Variants in RBM6 observed in about 807,000 individuals in gnomAD.
RBM6 encodes RNA binding motif protein 6.
A neutral mutation model predicts 140.4 loss-of-function variants in RBM6; 23 were observed. The ratio of observed to expected loss-of-function variants is 0.16; its 90% CI spans 0.12 to 0.23. The LOEUF is 0.23. Among genes scored for constraint, RBM6 ranks in the 10% least tolerant of loss-of-function variants. RBM6 has a pLI of 1.00. For missense variants in RBM6, 1,139 were observed against 1,386.7 expected, an observed-to-expected ratio of 0.82 and a Z score of 2.84; for synonymous variants, 439 against 475.6, an observed-to-expected ratio of 0.92 and a Z score of 1.00.
intron 5 of RBM6, 30 bp downstream of exon 5, chr3:49,975,422 G>A (rs745834655): frequency 2.0e-6 from 3 of 1,528,368 alleles, no homozygotes; most frequent in Non-Finnish European, 2.7e-6. Flanking sequence ...TATGGCCTTG[G>A]GTTAGGAAGG....
chr3:50,054,365 T>G lies in RBM6; in HGVS notation c.1663T>G (p.Ser555Ala). Residue 555 changes from serine (S) to alanine (A), a missense_variant, in exon 8 of 21, where the codon TCC (serine) becomes GCC (alanine). Transcript: ENST00000266022. Reference protein sequence around the residue: ...CKANIGGHRSSCSFCKNPREV... With the variant: ...CKANIGGHRSACSFCKNPREV... ...GGCAAACATTGGTGGGCACCGATCTTCCTGTTCATTCTGCAAGAACCCAAG... is the reference window on the plus strand; with the variant it reads ...GGCAAACATTGGTGGGCACCGATCTGCCTGTTCATTCTGCAAGAACCCAAG... The G allele has an allele frequency of 1.9e-6, 3 of 1,613,394 alleles. No individual in the cohort carries two copies. Among genetic ancestry groups the G allele is most frequent in the Non-Finnish European group, 2.5e-6 (3 of 1,179,286 alleles).
At chr3:50,039,238 T>A (rs929463282) in intron 6 of RBM6, among the ~76,000 whole-genome samples, 2 of 152,014 alleles carry the variant, frequency 1.3e-5, no homozygotes, top group African/African-American at 4.8e-5. Flanking sequence ...TAAATTATTA[T>A]TATTTATTTA....
At chr3:49,966,235 A>G (rs966980399) in intron 2 of RBM6, among the ~76,000 whole-genome samples, 1 of 152,254 alleles carries the variant, frequency 6.6e-6, no homozygotes, top group Non-Finnish European at 1.5e-5. Flanking sequence ...GCATAGTCTG[A>G]GCTCAGAAGG....
At chr3:50,053,222 C>T (rs1361715121) in intron 7 of RBM6, among the ~76,000 whole-genome samples, 1 of 152,000 alleles carries the variant, frequency 6.6e-6, no homozygotes, top group Non-Finnish European at 1.5e-5. Context: ...AGGCCAAATA[C>T]ATGGTATGTA....
intron 6 of RBM6, among the ~76,000 whole-genome samples, chr3:50,024,870 A>C (rs557488769): frequency 6.6e-6 from 1 of 152,000 alleles, no homozygotes; most frequent in Non-Finnish European, 1.5e-5. Flanking sequence ...GGACACCTGT[A>C]ATCCCAGCTA....
intron 5 of RBM6, 142 bp downstream of exon 5, chr3:49,975,534 C>A: frequency 1.5e-6 from 1 of 689,230 alleles, no homozygotes; most frequent in East Asian, 2.6e-5. Flanking sequence ...AAATAACAAC[C>A]AGCTTTAGTT....
intron 1 of RBM6, among the ~76,000 whole-genome samples, chr3:49,960,548 C>G (rs1033540982): frequency 6.6e-6 from 1 of 152,098 alleles, no homozygotes; most frequent in African/African-American, 2.4e-5. Context: ...CCTTTATCTA[C>G]TTTTTCTTTT....
At chr3:50,046,583 GAAA>G (rs75244837) in intron 6 of RBM6, among the ~76,000 whole-genome samples, 6 of 124,212 alleles carry the variant, frequency 4.8e-5, no homozygotes, top group African/African-American at 1.5e-4. Flanking sequence ...CTGTCTCAGG[GAAA>G]AAAAAAAAAA....
At chr3:50,058,652 C>T (rs908239173) in intron 10 of RBM6, 90 bp downstream of exon 10, 22 of 1,363,934 alleles carry the variant, frequency 1.6e-5, no homozygotes, top group African/African-American at 2.9e-5. Context: ...TGGTGGCTTA[C>T]GCCTGTAATC....
intron 6 of RBM6, among the ~76,000 whole-genome samples, chr3:50,014,965 C>T (rs561466522): frequency 7.3e-6 from 1 of 137,564 alleles, no homozygotes; most frequent in Non-Finnish European, 1.5e-5. Flanking sequence ...ACAAGAATTG[C>T]TTGAACCCAG....
At chr3:49,957,964 T>C (rs2084078508) in intron 1 of RBM6, among the ~76,000 whole-genome samples, 1 of 152,074 alleles carries the variant, frequency 6.6e-6, no homozygotes, top group Admixed American at 6.6e-5. Flanking sequence ...CCTGAGTAGC[T>C]GGGACTGTAG....
chr3:50,038,957 C>T (rs1357257926), intron 6 of RBM6, among the ~76,000 whole-genome samples: 1 of 152,202 alleles, frequency 6.6e-6, no homozygotes, highest in African/African-American at 2.4e-5. Context: ...ACTAAAAGCC[C>T]TTGCCCTACA....
At chr3:50,061,310 T>C in intron 13 of RBM6, 89 bp downstream of exon 13, 1 of 1,601,898 alleles carries the variant, frequency 6.2e-7, no homozygotes, top group African/African-American at 1.3e-5. Context: ...GTTGGCAAGA[T>C]ACACTGTTGA....
At chr3:49,953,222 A>AT (rs111757077) in intron 1 of RBM6, among the ~76,000 whole-genome samples, 67,654 of 141,920 alleles carry the variant, frequency 0.48, 16,546 homozygotes, top group African/African-American at 0.53. Context: ...CACCTTGCTA[A>AT]TTTTTTTTTT....
intron 15 of RBM6, among the ~76,000 whole-genome samples, chr3:50,062,365 G>A (rs1396160144): frequency 6.6e-6 from 1 of 152,062 alleles, no homozygotes; most frequent in Admixed American, 6.6e-5. Flanking sequence ...TTAGCTGCGT[G>A]TGGTGGTACA....
chr3:50,015,046 C>CAA (rs71080566), intron 6 of RBM6, among the ~76,000 whole-genome samples: 45 of 52,826 alleles, frequency 8.5e-4, no homozygotes, highest in East Asian at 2.9e-3. Flanking sequence ...GAGACTGTCT[C>CAA]AAAAAAAAAA....
chr3:50,016,082 G>A (rs765435778), intron 6 of RBM6, among the ~76,000 whole-genome samples: 9 of 151,952 alleles, frequency 5.9e-5, no homozygotes, highest in South Asian at 2.1e-4. Flanking sequence ...ACATTCTCCC[G>A]TTCTCCTCCA....
intron 7 of RBM6, 83 bp from the exon 8 acceptor site, chr3:50,054,252 T>G: frequency 1.7e-6 from 2 of 1,145,712 alleles, no homozygotes; most frequent in Non-Finnish European, 2.6e-6. Flanking sequence ...GTTTCTTTCA[T>G]TTTTGGGGGG....
rs1465975865 is a variant in RBM6 at position 49,986,279 on chromosome 3, C to T, written c.1483+10887C>T. Among the ~76,000 whole-genome samples, 2 of 150,038 alleles carry T rather than the reference C, an allele frequency of 1.3e-5. 1 individual carries two copies. Among genetic ancestry groups the T allele is most frequent in the Non-Finnish European group, 3.0e-5 (2 of 67,566 alleles). On this transcript the variant is annotated intron_variant, in intron 5 of 20. Coordinates refer to ENST00000266022, the MANE Select transcript of RBM6 (RefSeq NM_005777.3). ...AAAGTGCTGGGATTACAGATGTGAG[C>T]CATTGCGCCCAGCCCATTTTAAAAA...
Sources: allele counts gnomAD v4.1 joint callset (sites outside exome capture counted in the v4.1 genomes callset), GRCh38; gene constraint gnomAD v4.1.1; transcripts MANE v1.5; gene names NCBI Gene and HGNC (gene_info 2026-07-23, HGNC 2026-07-21).